Variants in DOCK9 observed in about 807,000 individuals in gnomAD.
DOCK9 encodes dedicator of cytokinesis protein 9.
In DOCK9, 89 loss-of-function variants were observed where a neutral mutation model predicts 263.3. The observed-to-expected ratio is 0.34, with a 90% CI of 0.28 to 0.40. The LOEUF is 0.40. DOCK9 is among the 10% of genes least tolerant of loss of function. The pLI is 1.00. For missense variants in DOCK9, 2,140 were observed against 2,603.4 expected (o/e 0.82, Z 3.87); for synonymous variants, 976 against 973.1 (o/e 1.00, Z -0.06).
chr13:98,893,500 A>G (rs1035451676), intron 15 of DOCK9, among the ~76,000 whole-genome samples: 4 of 152,180 alleles, frequency 2.6e-5, no homozygotes, highest in African/African-American at 7.2e-5. Context: ...CATCTATCGG[A>G]CAGAATCGCT....
intron 1 of DOCK9, among the ~76,000 whole-genome samples, chr13:99,008,098 C>T (rs933869858): frequency 1.3e-5 from 2 of 151,184 alleles, no homozygotes; most frequent in African/African-American, 4.9e-5. Flanking sequence ...TAAAATGTTA[C>T]ATCTGTAAAA....
At chr13:99,002,937 T>A (rs1289733922) in intron 1 of DOCK9, among the ~76,000 whole-genome samples, 1 of 147,954 alleles carries the variant, frequency 6.8e-6, no homozygotes, top group Non-Finnish European at 1.5e-5. Context: ...ATCAGGGGGT[T>A]GTCATAAGGA....
At chr13:98,830,244 T>C (rs1410630731) in intron 41 of DOCK9, among the ~76,000 whole-genome samples, 2 of 152,232 alleles carry the variant, frequency 1.3e-5, no homozygotes, top group African/African-American at 4.8e-5. Flanking sequence ...TTTACCCAGT[T>C]GCTTGAGCTA....
At chr13:98,848,064 G>C (rs968818904) in intron 37 of DOCK9, among the ~76,000 whole-genome samples, 7 of 152,230 alleles carry the variant, frequency 4.6e-5, no homozygotes, top group African/African-American at 1.4e-4. Flanking sequence ...CTAGTCAAGA[G>C]TAGGAAGAGA....
intron 1 of DOCK9, among the ~76,000 whole-genome samples, chr13:99,005,240 G>C (rs1431986222): frequency 6.6e-6 from 1 of 152,146 alleles, no homozygotes; most frequent in African/African-American, 2.4e-5. Context: ...ATAATTAACT[G>C]CTCACTTAAA....
chr13:99,040,069 T>C (rs1192980934), intron 1 of DOCK9, among the ~76,000 whole-genome samples: 1 of 152,210 alleles, frequency 6.6e-6, no homozygotes, highest in African/African-American at 2.4e-5. Flanking sequence ...AATGTAATAT[T>C]TGGAGACAGG....
At position 98,831,361 on chromosome 13, in the gene DOCK9, C is replaced by T. The variant is rs1255770058; in HGVS notation, c.4622G>A (p.Arg1541Gln). The change falls in exon 41 of 53, where the codon CGG (arginine) becomes CAG (glutamine). Residue 1541 changes from arginine to glutamine, a missense_variant. Around this residue, in one of 2 missense-constraint regions of DOCK9, gnomAD observed 619 missense variants for 861.8 expected, o/e 0.72. Transcript: ENST00000682017. Reference sequence around the variant, plus strand: ...AACCACACGCACTTGCAAATGTGTCCGGACAAAGGACTTCTTTCCAGTGTA... The same window carrying T: ...AACCACACGCACTTGCAAATGTGTCTGGACAAAGGACTTCTTTCCAGTGTA... Reference protein sequence around the residue: ...FDYTGKKSFVRTHLQVIISVS... With the variant: ...FDYTGKKSFVQTHLQVIISVS... 2.5e-6 allele frequency: 4 copies of T among 1,603,758 alleles called. No individual in the cohort carries two copies. The highest frequency in any genetic ancestry group is 1.7e-5 in the Admixed American group (1 of 58,840).
chr13:99,017,730 T>C lies in DOCK9; in HGVS notation c.130-62179A>G, dbSNP rs528819682. Among the ~76,000 whole-genome samples the C allele has an allele frequency of 5.9e-5, 9 of 152,302 alleles. No homozygotes were observed. In the South Asian group the frequency reaches 1.4e-3, roughly 25 times the overall value. ...ACATAAAATATACTAACACTAATGA[T>C]AGCTGATGAGCTTTAAAAAAAATCA... is the stretch of plus-strand genomic sequence containing the variant. On this transcript the variant is annotated intron_variant, in intron 1 of 32. Coordinates refer to the DOCK9 transcript ENST00000427887.
chr13:98,893,634 T>C (rs541935014), intron 15 of DOCK9, among the ~76,000 whole-genome samples: 1 of 152,304 alleles, frequency 6.6e-6, no homozygotes, highest in South Asian at 2.1e-4. Flanking sequence ...TTTTCATGCA[T>C]TATTAAATAA....
chr13:98,863,603 AAAAC>A (rs886547034), intron 30 of DOCK9, 55 bp from the exon 31 acceptor site: 267 of 1,521,180 alleles, frequency 1.8e-4, no homozygotes, highest in African/African-American at 2.9e-4. Flanking sequence ...CTCTTTGAAT[AAAAC>A]AAACAAACAA....
chr13:98,977,178 CT>C (rs1875010043), intron 1 of DOCK9, among the ~76,000 whole-genome samples: 1 of 152,172 alleles, frequency 6.6e-6, no homozygotes, highest in Non-Finnish European at 1.5e-5. Flanking sequence ...CACCAAAGCA[CT>C]TGGCTTTAGA....
chr13:99,085,851 T>A (rs1178639142), intron 1 of DOCK9, among the ~76,000 whole-genome samples: 1 of 45,154 alleles, frequency 2.2e-5, no homozygotes. Flanking sequence ...GGGGGAGGGA[T>A]ACGGGGGAGG....
chr13:98,824,682 A>G (rs369716509), intron 44 of DOCK9, among the ~76,000 whole-genome samples, 178 bp from the exon 45 acceptor site: 1 of 152,182 alleles, frequency 6.6e-6, no homozygotes, highest in East Asian at 1.9e-4. Flanking sequence ...TTTCTTCCCT[A>G]TAGTGAACCC....
intron 1 of DOCK9, among the ~76,000 whole-genome samples, chr13:99,022,845 G>A (rs1247646241): frequency 6.6e-6 from 1 of 152,164 alleles, no homozygotes; most frequent in African/African-American, 2.4e-5. Context: ...CTACTTAGGA[G>A]GCTGAGGCGA....
chr13:99,038,323 A>G (rs1194390613), intron 1 of DOCK9, among the ~76,000 whole-genome samples: 3 of 65,620 alleles, frequency 4.6e-5, no homozygotes, highest in Non-Finnish European at 7.8e-5. Context: ...TTTTTTTTGG[A>G]GATAGAGTCT....
chr13:99,050,785 G>A (rs1457662891), intron 1 of DOCK9, among the ~76,000 whole-genome samples: 1 of 152,176 alleles, frequency 6.6e-6, no homozygotes, highest in Non-Finnish European at 1.5e-5. Context: ...ATCCCCTAGA[G>A]CAGCTGTAGC....
intron 1 of DOCK9, among the ~76,000 whole-genome samples, chr13:98,975,478 C>T (rs1411968116): frequency 8.4e-6 from 1 of 119,074 alleles, no homozygotes. Flanking sequence ...CACATACACA[C>T]ACACACACAC....
chr13:98,867,566 C>A (rs1226773692), intron 29 of DOCK9, 30 bp from the exon 30 acceptor site: 1 of 1,304,606 alleles, frequency 7.7e-7, no homozygotes, highest in Non-Finnish European at 1.1e-6. Context: ...GTCATAAATA[C>A]CTCACTGGAT....
At chr13:98,855,121 T>C (rs1430598290) in intron 34 of DOCK9, among the ~76,000 whole-genome samples, 2 of 152,202 alleles carry the variant, frequency 1.3e-5, no homozygotes, top group Admixed American at 1.3e-4. Context: ...AGGCTAAGTA[T>C]GAGGAGGAAG....
Sources: gnomAD v4.1 joint callset for allele counts (sites outside exome capture counted in the v4.1 genomes callset) on GRCh38, gnomAD v4.1.1 for gene constraint, gnomAD v4.1.1 regional missense constraint, MANE v1.5 for transcripts, NCBI Gene and HGNC (gene_info 2026-07-23, HGNC 2026-07-21) for gene names.